The following INSL6 variants were observed in gnomAD, a reference collection of about 807,000 sequenced individuals.
INSL6 encodes the protein insulin-like peptide INSL6.
In INSL6, 16 loss-of-function variants were observed where a neutral mutation model predicts 9.4. The observed-to-expected ratio is 1.70, with a 90% CI of 1.15 to 2.59. The LOEUF is 2.59. Among genes scored for constraint, INSL6 ranks in the 30% most tolerant of loss-of-function variants. The probability of loss-of-function intolerance (pLI) is 0.00; values close to 1 mark genes in which losing one functional copy is unlikely to be tolerated. For synonymous variants in INSL6, 154 were observed against 96.9 expected (o/e 1.59, Z -3.46); for missense variants, 391 against 257.3 (o/e 1.52, Z -3.56).
At chr9:5,092,925 C>T in the INSL6 span, among the ~76,000 whole-genome samples, 37 of 152,242 alleles carry the variant, frequency 2.4e-4, no homozygotes, top group African/African-American at 8.2e-4. Context: ...AGGAACCAAC[C>T]TTCCTACAGA....
At chr9:5,039,653 G>A in the INSL6 span, among the ~76,000 whole-genome samples, 17 of 152,042 alleles carry the variant, frequency 1.1e-4, no homozygotes, top group Non-Finnish European at 2.4e-4. Flanking sequence ...CAGAATAGAA[G>A]ATCAATATAT....
At chr9:5,127,813 A>G (rs542250013) in intron 3 of INSL6, 77 of 232,618 alleles carry the variant, frequency 3.3e-4, no homozygotes, top group African/African-American at 1.6e-3. Context: ...TAAAGACTGT[A>G]TATTTGAGGG....
rs373690238 is a variant in INSL6 at position 5,185,596 on chromosome 9, G to A, written c.7C>T (p.Arg3Trp). Reference protein sequence around the residue: MPRLLRLSLLWLG... With the variant: MPWLLRLSLLWLG... ...CACAGCAGGGACAAGCGGAGGAGCC[G>A]CGGCATCCCTGTGACCCCAGGCTAG... The change falls in exon 1 of 2, where the codon CGG (arginine) becomes TGG (tryptophan). Residue 3 changes from arginine to tryptophan, a missense_variant. Physicochemically the swap from Arg to Trp is moderately radical, Grantham distance 101. Coordinates refer to ENST00000381641, the MANE Select transcript of INSL6 (RefSeq NM_007179.3). 1.2e-5 allele frequency: 19 copies of A among 1,611,774 alleles called. No individual in the cohort carries two copies. The African/African-American group carries it at 1.7e-4, about 15-fold the overall frequency.
chr9:5,006,451 ATTTG>A, the INSL6 span, among the ~76,000 whole-genome samples: 5 of 152,146 alleles, frequency 3.3e-5, no homozygotes, highest in African/African-American at 7.2e-5. Flanking sequence ...AAATTACTGT[ATTTG>A]TTTGTTCTCA....
At chr9:5,020,630 T>A in the INSL6 span, among the ~76,000 whole-genome samples, 1 of 152,100 alleles carries the variant, frequency 6.6e-6, no homozygotes, top group South Asian at 2.1e-4. Flanking sequence ...TCAGGGTGCA[T>A]GCAAATTTGC....
the INSL6 span, among the ~76,000 whole-genome samples, chr9:5,012,927 A>G: frequency 6.6e-6 from 1 of 152,226 alleles, no homozygotes; most frequent in African/African-American, 2.4e-5. Flanking sequence ...TTAGGAGGAC[A>G]TTGCAATAGT....
chr9:5,134,703 G>A (rs1387182358), intron 2 of INSL6, among the ~76,000 whole-genome samples: 2 of 152,166 alleles, frequency 1.3e-5, no homozygotes, highest in East Asian at 3.8e-4. Context: ...AAACATGGAA[G>A]GAACAACCGG....
the INSL6 span, among the ~76,000 whole-genome samples, chr9:5,059,756 C>A: frequency 6.6e-6 from 1 of 152,098 alleles, no homozygotes; most frequent in African/African-American, 2.4e-5. Context: ...TGGATGTGTA[C>A]TGGTAGCTAT....
At chr9:5,180,469 AT>A (rs1187683292) in intron 1 of INSL6, among the ~76,000 whole-genome samples, 1 of 152,212 alleles carries the variant, frequency 6.6e-6, no homozygotes, top group Non-Finnish European at 1.5e-5. Context: ...ATATCACTAA[AT>A]TCTTTTTCCT....
chr9:4,994,148 G>GT, the INSL6 span, among the ~76,000 whole-genome samples: 190 of 152,288 alleles, frequency 1.2e-3, no homozygotes, highest in African/African-American at 4.4e-3. Context: ...AATAATCAGA[G>GT]TGTTTGGAAT....
At chr9:5,017,778 T>C in the INSL6 span, among the ~76,000 whole-genome samples, 2 of 152,244 alleles carry the variant, frequency 1.3e-5, no homozygotes, top group African/African-American at 4.8e-5. Flanking sequence ...TGCAGTTTTA[T>C]ATCTGTTACA....
downstream of INSL6, among the ~76,000 whole-genome samples, chr9:5,161,220 T>TA (rs1200640444): frequency 1.3e-5 from 2 of 151,994 alleles, no homozygotes; most frequent in African/African-American, 4.8e-5. Flanking sequence ...AACAACACAT[T>TA]AAAAAATCAT....
intron 3 of INSL6, chr9:5,127,687 G>A (rs115158615): frequency 4.3e-4 from 99 of 231,976 alleles, no homozygotes; most frequent in African/African-American, 1.9e-3. Flanking sequence ...AACATTCTTC[G>A]ATCTCTGGGA....
chr9:5,069,997 C>T, the INSL6 span: 4 of 1,608,020 alleles, frequency 2.5e-6, no homozygotes, highest in South Asian at 1.1e-5. Flanking sequence ...TTACAGAGGC[C>T]TACTCATATG....
At chr9:5,098,198 T>G in the INSL6 span, 1 of 152,186 alleles carries the variant, frequency 6.6e-6, no homozygotes, top group Non-Finnish European at 1.5e-5. Flanking sequence ...CATTAAACCC[T>G]TAAATGAAAA....
intron 1 of INSL6, among the ~76,000 whole-genome samples, chr9:5,166,770 C>A (rs545867383): frequency 6.6e-6 from 1 of 152,106 alleles, no homozygotes; most frequent in Non-Finnish European, 1.5e-5. Context: ...AGAAAACGAG[C>A]AAAAGCTGCC....
chr9:5,172,335 T>C (rs980694777), intron 1 of INSL6, among the ~76,000 whole-genome samples: 5 of 152,138 alleles, frequency 3.3e-5, no homozygotes, highest in Admixed American at 3.3e-4. Context: ...GACTTAACTG[T>C]AAAACCAAAA....
At chr9:5,161,386 T>A (rs1461117733), downstream of INSL6, among the ~76,000 whole-genome samples, 3 of 152,152 alleles carry the variant, frequency 2.0e-5, no homozygotes, top group Non-Finnish European at 4.4e-5. Flanking sequence ...AAACCTCTCA[T>A]GCTAAAACCC....
chr9:5,077,642 T>C, the INSL6 span: 1 of 1,064,470 alleles, frequency 9.4e-7, no homozygotes, highest in Non-Finnish European at 1.3e-6. Flanking sequence ...ATATACAAAT[T>C]ATCTTTACCT....
Sources: gnomAD v4.1 joint callset for allele counts (sites outside exome capture counted in the v4.1 genomes callset) on GRCh38, gnomAD v4.1.1 for gene constraint, MANE v1.5 for transcripts, NCBI Gene and HGNC (gene_info 2026-07-23, HGNC 2026-07-21) for gene names.